CRISP1: variants seen among roughly 807,000 people sequenced by gnomAD.
CRISP1 encodes cysteine-rich secretory protein 1.
A neutral mutation model predicts 33.1 loss-of-function variants in CRISP1; 44 were observed. The observed-to-expected ratio is 1.33, with a 90% CI of 1.05 to 1.71. The LOEUF is 1.71. Among genes scored for constraint, CRISP1 ranks in the 40% most tolerant of loss-of-function variants. The pLI is 0.00. For synonymous variants in CRISP1, 103 were observed against 98.7 expected, an observed-to-expected ratio of 1.04 and a Z score of -0.26; for missense variants, 390 against 301.2, an observed-to-expected ratio of 1.29 and a Z score of -2.18.
intron 5 of CRISP1, among the ~76,000 whole-genome samples, chr6:49,845,901 G>A (rs945104319): frequency 6.6e-6 from 1 of 152,136 alleles, no homozygotes; most frequent in African/African-American, 2.4e-5. Flanking sequence ...AATATTGTAT[G>A]TTTCCAAATT....
intron 3 of CRISP1, among the ~76,000 whole-genome samples, chr6:49,850,219 C>A (rs572341643): frequency 6.6e-5 from 10 of 151,602 alleles, no homozygotes; most frequent in Non-Finnish European, 1.0e-4. Context: ...GCACATTGTG[C>A]ACATGTACCC....
intron 5 of CRISP1, among the ~76,000 whole-genome samples, 183 bp from the exon 6 acceptor site, chr6:49,841,178 C>T (rs1213336084): frequency 6.6e-6 from 1 of 152,124 alleles, no homozygotes; most frequent in Non-Finnish European, 1.5e-5. Flanking sequence ...CATGCATGTA[C>T]ACGCACATAG....
At position 49,842,578 on chromosome 6, in the gene CRISP1, C is replaced by A. The variant is rs897712435; in HGVS notation, c.436-1583G>T. ...AATGTCGGAAAATGTCTGGAAAAGC[C>A]TTGTGGTATATTCCCCCACTGGGCC... is the stretch of plus-strand genomic sequence containing the variant. On this transcript the variant is annotated intron_variant, in intron 5 of 7. Transcript: ENST00000335847. Among the ~76,000 whole-genome samples, 61 of 152,192 alleles carry A rather than the reference C, an allele frequency of 4.0e-4. 1 individual carries two copies. Among genetic ancestry groups the A allele is most frequent in the African/African-American group, 1.4e-3 (60 of 41,534 alleles).
At chr6:49,846,344 C>G (rs745500560) in intron 5 of CRISP1, among the ~76,000 whole-genome samples, 176 bp downstream of exon 5, 1 of 152,100 alleles carries the variant, frequency 6.6e-6, no homozygotes, top group Non-Finnish European at 1.5e-5. Context: ...AGCATCTTCT[C>G]TAAGTCGTAT....
At chr6:49,868,054 T>C (rs1239955471), upstream of CRISP1, among the ~76,000 whole-genome samples, 1 of 152,132 alleles carries the variant, frequency 6.6e-6, no homozygotes, top group Non-Finnish European at 1.5e-5. Flanking sequence ...ATTGCTCTGG[T>C]TTTATCTGTT....
At chr6:49,862,260 G>T (rs1771674133) in intron 1 of CRISP1, among the ~76,000 whole-genome samples, 1 of 151,946 alleles carries the variant, frequency 6.6e-6, no homozygotes, top group Non-Finnish European at 1.5e-5. Flanking sequence ...AATACGTAAA[G>T]ATAAATTTTA....
chr6:49,871,859 T>C (rs1771931765), intron 1 of CRISP1, among the ~76,000 whole-genome samples: 1 of 152,150 alleles, frequency 6.6e-6, no homozygotes, highest in South Asian at 2.1e-4. Flanking sequence ...ACAATAAACA[T>C]ATGTGTGCAC....
intron 2 of CRISP1, among the ~76,000 whole-genome samples, chr6:49,854,136 A>G (rs1193427236): frequency 6.6e-6 from 1 of 152,044 alleles, no homozygotes. Context: ...CAACTGTCTC[A>G]CCCAGTCTGT....
chr6:49,857,235 G>T, intron 2 of CRISP1, 100 bp downstream of exon 2: 1 of 1,075,164 alleles, frequency 9.3e-7, no homozygotes, highest in South Asian at 1.4e-5. Context: ...AATGGGTGTA[G>T]TGGCCTCACA....
intron 6 of CRISP1, among the ~76,000 whole-genome samples, chr6:49,840,313 A>T (rs1582256895): frequency 6.6e-6 from 1 of 152,338 alleles, no homozygotes; most frequent in East Asian, 1.9e-4. Flanking sequence ...AAACAATCAG[A>T]TTAAATTTTC....
At chr6:49,862,368 G>A (rs1771676425) in intron 1 of CRISP1, among the ~76,000 whole-genome samples, 1 of 149,406 alleles carries the variant, frequency 6.7e-6, no homozygotes, top group African/African-American at 2.5e-5. Context: ...AATTCTAATA[G>A]AAGACTTCTG....
upstream of CRISP1, among the ~76,000 whole-genome samples, chr6:49,868,529 C>T (rs1316251326): frequency 1.3e-5 from 2 of 152,066 alleles, no homozygotes; most frequent in Non-Finnish European, 2.9e-5. Flanking sequence ...GATTGGCTAA[C>T]AAAAATTTTA....
chr6:49,863,913 G>A (rs1771723797), intron 1 of CRISP1, among the ~76,000 whole-genome samples: 1 of 152,110 alleles, frequency 6.6e-6, no homozygotes, highest in Non-Finnish European at 1.5e-5. Context: ...AAGTTACTGA[G>A]GTATAACTTA....
intron 1 of CRISP1, among the ~76,000 whole-genome samples, chr6:49,875,793 T>C (rs1451598326): frequency 6.6e-6 from 1 of 151,784 alleles, no homozygotes; most frequent in Non-Finnish European, 1.5e-5. Flanking sequence ...AAACAAGCGA[T>C]GGGTAAGTAT....
At chr6:49,839,196 A>T (rs916253418) in intron 6 of CRISP1, among the ~76,000 whole-genome samples, 2 of 143,842 alleles carry the variant, frequency 1.4e-5, no homozygotes, top group African/African-American at 5.1e-5. Flanking sequence ...GCACTTTGAG[A>T]GGGCAAAGTG....
chr6:49,866,202 G>A (rs1771795233), intron 1 of CRISP1, among the ~76,000 whole-genome samples: 1 of 152,130 alleles, frequency 6.6e-6, no homozygotes, highest in African/African-American at 2.4e-5. Flanking sequence ...AGAAGTTCAT[G>A]AGAATGAACT....
upstream of CRISP1, among the ~76,000 whole-genome samples, chr6:49,867,966 T>C (rs886314045): frequency 7.9e-5 from 12 of 152,180 alleles, no homozygotes; most frequent in Non-Finnish European, 1.6e-4. Context: ...TGTATAATTG[T>C]CATTTATTTC....
At chr6:49,848,054 AGT>A (rs1771235414) in intron 4 of CRISP1, among the ~76,000 whole-genome samples, 153 bp downstream of exon 4, 1 of 152,196 alleles carries the variant, frequency 6.6e-6, no homozygotes, top group Non-Finnish European at 1.5e-5. Flanking sequence ...GAGTTAAAAC[AGT>A]GTAATAGTCC....
chr6:49,839,835 T>C (rs1158785024), intron 6 of CRISP1, among the ~76,000 whole-genome samples: 1 of 152,240 alleles, frequency 6.6e-6, no homozygotes, highest in Non-Finnish European at 1.5e-5. Context: ...AATTTATATA[T>C]AACTCATATA....
Sources: allele counts gnomAD v4.1 joint callset (sites outside exome capture counted in the v4.1 genomes callset), GRCh38; gene constraint gnomAD v4.1.1; transcripts MANE v1.5; gene names NCBI Gene and HGNC (gene_info 2026-07-23, HGNC 2026-07-21).